ITGA9: variants seen among roughly 807,000 people sequenced by gnomAD.
ITGA9 encodes the protein integrin alpha-9.
In ITGA9, 56 loss-of-function variants were observed where a neutral mutation model predicts 127.8. That is an observed-to-expected ratio of 0.44 (90% CI 0.35 to 0.55). The LOEUF (loss-of-function observed/expected upper bound fraction) is 0.55. Ranked by LOEUF, ITGA9 falls within the 20% of genes least tolerant of loss-of-function variation. The pLI, the probability that ITGA9 is intolerant of heterozygous loss-of-function variation, is 0.00. For synonymous variants in ITGA9, 508 were observed against 514.5 expected, an observed-to-expected ratio of 0.99 and a Z score of 0.17; for missense variants, 1,196 against 1,347.1, an observed-to-expected ratio of 0.89 and a Z score of 1.76.
At chr3:37,690,828 G>C (rs1700824581) in intron 18 of ITGA9, among the ~76,000 whole-genome samples, 1 of 152,162 alleles carries the variant, frequency 6.6e-6, no homozygotes. Context: ...ATAATGGTAG[G>C]GGGTTGAAGT....
At chr3:37,521,411 T>TACC (rs1459262564) in intron 11 of ITGA9, among the ~76,000 whole-genome samples, 1 of 152,214 alleles carries the variant, frequency 6.6e-6, no homozygotes, top group Admixed American at 6.5e-5. Context: ...CTCTCGAGTT[T>TACC]ACCACGGAGA....
chr3:37,504,084 G>A (rs1423454848), intron 6 of ITGA9, among the ~76,000 whole-genome samples: 2 of 152,110 alleles, frequency 1.3e-5, no homozygotes, highest in Non-Finnish European at 2.9e-5. Context: ...AGCGTCACTG[G>A]GAACTTCTTG....
At chr3:37,473,629 TGA>T (rs1698460822) in intron 3 of ITGA9, among the ~76,000 whole-genome samples, 169 bp downstream of exon 3, 1 of 152,244 alleles carries the variant, frequency 6.6e-6, no homozygotes, top group South Asian at 2.1e-4. Context: ...CTGTCAAATG[TGA>T]ATAATGTCTG....
intron 15 of ITGA9, among the ~76,000 whole-genome samples, chr3:37,624,989 C>T (rs1700163258): frequency 6.6e-6 from 1 of 152,218 alleles, no homozygotes. Context: ...ACATAACCTG[C>T]AAAGTGCCCT....
At chr3:37,694,608 C>T (rs985677874) in intron 18 of ITGA9, among the ~76,000 whole-genome samples, 12 of 152,158 alleles carry the variant, frequency 7.9e-5, no homozygotes, top group African/African-American at 2.2e-4. Flanking sequence ...GCTGTAGTTA[C>T]GACAAGGATC....
In ITGA9 at chr3:37,743,728, C is replaced by T. The variant is rs1029582329; in HGVS notation, c.2325-198C>T. Among the ~76,000 whole-genome samples, 7 of 152,320 alleles carry T rather than the reference C, an allele frequency of 4.6e-5. No homozygotes were observed. In the South Asian group the frequency reaches 8.3e-4, roughly 18 times the overall value. On this transcript the variant is annotated intron_variant, in intron 21 of 27. Transcript: ENST00000264741. ...CATATTTCTCCATGCAGCTTATTGA[C>T]GTAACCTAAGATGAGAAGACACTAC...
chr3:37,624,902 C>T (rs1190143883), intron 15 of ITGA9, among the ~76,000 whole-genome samples: 2 of 152,162 alleles, frequency 1.3e-5, no homozygotes, highest in African/African-American at 4.8e-5. Flanking sequence ...CCACCATGCC[C>T]AGCCAAGAGG....
chr3:37,461,824 C>T (rs1421623167), intron 1 of ITGA9, among the ~76,000 whole-genome samples: 2 of 152,228 alleles, frequency 1.3e-5, no homozygotes, highest in East Asian at 1.9e-4. Flanking sequence ...ATTTTGCCTG[C>T]CTGTTTCTTC....
intron 1 of ITGA9, among the ~76,000 whole-genome samples, chr3:37,458,066 C>A (rs1227206050): frequency 6.6e-6 from 1 of 152,228 alleles, no homozygotes; most frequent in East Asian, 1.9e-4. Context: ...TCCTTGCTTT[C>A]AAGGGGTTGC....
chr3:37,544,040 A>T (rs950860097), intron 15 of ITGA9, among the ~76,000 whole-genome samples: 3 of 152,172 alleles, frequency 2.0e-5, no homozygotes, highest in African/African-American at 7.2e-5. Context: ...CAGGCCTTTG[A>T]ATGCCTGTGA....
chr3:37,743,314 G>C lies in ITGA9; in HGVS notation c.2325-612G>C, dbSNP rs184401911. Reference sequence around the variant, plus strand: ...TATTTGTCTGGGAGTGTCAGTCAGAGCTTTGTTTCTTCTCAGGAATGTGTT... The same window carrying C: ...TATTTGTCTGGGAGTGTCAGTCAGACCTTTGTTTCTTCTCAGGAATGTGTT... On this transcript the variant is annotated intron_variant, in intron 21 of 27. Transcript: ENST00000264741. 1.8e-4 allele frequency among the ~76,000 whole-genome samples: 27 copies of C among 152,336 alleles called. 1 individual carries two copies. Among genetic ancestry groups the C allele is most frequent in the Admixed American group, 1.7e-3 (26 of 15,306 alleles).
At chr3:37,476,683 C>T (rs893248939) in intron 3 of ITGA9, among the ~76,000 whole-genome samples, 9 of 152,158 alleles carry the variant, frequency 5.9e-5, no homozygotes, top group Non-Finnish European at 1.5e-5. Context: ...GGCTCTGCCT[C>T]CTTCGTGAAG....
Position 37,452,549 on chromosome 3 carries a change from A to C in ITGA9, c.175A>C (p.Asn59His). 6.6e-7 allele frequency: 1 copy of C among 1,522,404 alleles called. No homozygotes were observed. Among genetic ancestry groups the C allele is most frequent in the Non-Finnish European group, 8.8e-7 (1 of 1,134,558 alleles). 94.3% of individuals were successfully genotyped at this position (1,522,404 alleles called of 1,614,324 possible). The change falls in exon 1 of 28, where the codon AAC becomes CAC. Residue 59 changes from asparagine (N) to histidine (H), a missense_variant. Asn to His is a moderately conservative substitution (Grantham distance 68). Coordinates refer to ENST00000264741, the MANE Select transcript of ITGA9 (RefSeq NM_002207.3). The surrounding 1 kb of genome is among the most constrained non-coding windows in gnomAD (Gnocchi z 7.3). ...GYAVLEHFHDNTRWVLVGAPK... is the reference protein window; with the variant it reads ...GYAVLEHFHDHTRWVLVGAPK... ...CGCAGTTCTGGAGCATTTCCACGAC[A>C]ACACGCGCTGGTGAGTGCCCGCCCG...
At chr3:37,613,344 T>C (rs1180704535) in intron 15 of ITGA9, among the ~76,000 whole-genome samples, 1 of 152,246 alleles carries the variant, frequency 6.6e-6, no homozygotes, top group Non-Finnish European at 1.5e-5. Flanking sequence ...GTGTCACATT[T>C]TCTTAATCCA....
intron 17 of ITGA9, among the ~76,000 whole-genome samples, chr3:37,672,865 T>A (rs1301891916): frequency 6.6e-6 from 1 of 151,862 alleles, no homozygotes; most frequent in Non-Finnish European, 1.5e-5. Flanking sequence ...GAATTGAACC[T>A]TTTTGGGTAC....
At chr3:37,508,935 G>C (rs1201835785) in intron 8 of ITGA9, among the ~76,000 whole-genome samples, 1 of 152,102 alleles carries the variant, frequency 6.6e-6, no homozygotes, top group Non-Finnish European at 1.5e-5. Context: ...CTGTCTCTCT[G>C]CCTCCATCCT....
chr3:37,500,418 C>G (rs976499785), intron 5 of ITGA9, among the ~76,000 whole-genome samples: 2 of 152,204 alleles, frequency 1.3e-5, no homozygotes, highest in African/African-American at 2.4e-5. Context: ...CTTGTCTACA[C>G]CCTCCTGAAT....
intron 18 of ITGA9, among the ~76,000 whole-genome samples, chr3:37,691,708 G>A (rs990813056): frequency 3.9e-5 from 6 of 152,146 alleles, no homozygotes; most frequent in Non-Finnish European, 8.8e-5. Context: ...TAGTCTGTCT[G>A]CAGCCTTACT....
chr3:37,663,484 T>C (rs1007570143), intron 17 of ITGA9, among the ~76,000 whole-genome samples: 1 of 151,962 alleles, frequency 6.6e-6, no homozygotes, highest in East Asian at 1.9e-4. Flanking sequence ...ACCATGGGGG[T>C]TGGGTGGTGG....
Sources: gnomAD v4.1 joint callset for allele counts (sites outside exome capture counted in the v4.1 genomes callset) on GRCh38, gnomAD v4.1.1 for gene constraint, Gnocchi (gnomAD v3.1) non-coding constraint, MANE v1.5 for transcripts, NCBI Gene and HGNC (gene_info 2026-07-23, HGNC 2026-07-21) for gene names.